BAZ2B: variants seen among roughly 807,000 people sequenced by gnomAD.
BAZ2B encodes the protein bromodomain adjacent to zinc finger domain protein 2B.
In BAZ2B, 91 loss-of-function variants were observed where a neutral mutation model predicts 246.0. The ratio of observed to expected loss-of-function variants is 0.37; its 90% CI spans 0.31 to 0.44. The LOEUF (loss-of-function observed/expected upper bound fraction) is 0.44. BAZ2B is among the 20% of genes least tolerant of loss of function. BAZ2B has a pLI of 1.00. For missense variants in BAZ2B, 2,332 were observed against 2,533.7 expected, an observed-to-expected ratio of 0.92 and a Z score of 1.71; for synonymous variants, 855 against 860.0, an observed-to-expected ratio of 0.99 and a Z score of 0.10.
chr2:159,523,692 C>T (rs556565068), intron 2 of BAZ2B, among the ~76,000 whole-genome samples: 5 of 151,894 alleles, frequency 3.3e-5, no homozygotes, highest in Admixed American at 1.3e-4. Flanking sequence ...AGTGAGACTC[C>T]GTCTCAAAAA....
At chr2:159,551,466 C>CA (rs57418948) in intron 2 of BAZ2B, among the ~76,000 whole-genome samples, 843 of 70,998 alleles carry the variant, frequency 0.012, 6 homozygotes, top group Non-Finnish European at 0.016. Context: ...GACTCAGACT[C>CA]AAAAAAAAAA....
At chr2:159,516,169 AT>A (rs1320497353) in intron 2 of BAZ2B, 1 of 152,124 alleles carries the variant, frequency 6.6e-6, no homozygotes, top group Non-Finnish European at 1.5e-5. Flanking sequence ...TTCAGGATAT[AT>A]TTATAAGAGA....
chr2:159,430,913 G>A lies in BAZ2B; in HGVS notation c.2144C>T (p.Pro715Leu). The A allele has an allele frequency of 6.2e-7, 1 of 1,613,958 alleles. No individual in the cohort carries two copies. The highest frequency in any genetic ancestry group is 8.5e-7 in the Non-Finnish European group (1 of 1,179,878). ...GGAAGAAGATGTACCAAGAAAAGCAGGTGACTGGGATTCAGAACATAAGGC... is the reference window on the plus strand; with the variant it reads ...GGAAGAAGATGTACCAAGAAAAGCAAGTGACTGGGATTCAGAACATAAGGC... ...PAALCSESQS[P>L]AFLGTSSSTL... is the part of the protein sequence containing the mutation. The change falls in exon 10 of 37, where the codon CCT becomes CTT. Residue 715 changes from proline to leucine, a missense_variant. Coordinates refer to ENST00000392783, the MANE Select transcript of BAZ2B (RefSeq NM_013450.4).
chr2:159,692,191 G>A, the BAZ2B span, among the ~76,000 whole-genome samples: 9 of 151,130 alleles, frequency 6.0e-5, no homozygotes, highest in Non-Finnish European at 1.3e-4. Flanking sequence ...GTCTCACTCT[G>A]TTGCCCAGGC....
chr2:159,425,621 T>C (rs2069679447), intron 13 of BAZ2B, among the ~76,000 whole-genome samples: 1 of 152,250 alleles, frequency 6.6e-6, no homozygotes, highest in South Asian at 2.1e-4. Flanking sequence ...AGTCTTTTAA[T>C]ATCCAGTTTT....
At chr2:159,329,136 G>GAAAAAAAAAAA (rs567964390) in intron 34 of BAZ2B, among the ~76,000 whole-genome samples, 2 of 73,364 alleles carry the variant, frequency 2.7e-5, no homozygotes, top group African/African-American at 4.4e-5. Context: ...GTCTTAATAG[G>GAAAAAAAAAAA]AAAAAAAAAA....
At chr2:159,377,463 C>T (rs1336211864) in intron 25 of BAZ2B, among the ~76,000 whole-genome samples, 1 of 152,138 alleles carries the variant, frequency 6.6e-6, no homozygotes, top group African/African-American at 2.4e-5. Context: ...TAACAAGGAT[C>T]TACCTTTGCC....
At chr2:159,402,826 T>TATA (rs1425534247) in intron 16 of BAZ2B, among the ~76,000 whole-genome samples, 2 of 152,204 alleles carry the variant, frequency 1.3e-5, no homozygotes, top group South Asian at 2.1e-4. Flanking sequence ...GGTAAATTAT[T>TATA]ATAATACAGG....
chr2:159,429,076 T>G, intron 11 of BAZ2B, 124 bp downstream of exon 11: 1 of 593,400 alleles, frequency 1.7e-6, no homozygotes, highest in Non-Finnish European at 2.7e-6. Context: ...GCTCTTCTGC[T>G]CTAATAAATA....
the BAZ2B span, among the ~76,000 whole-genome samples, chr2:159,702,010 G>C: frequency 1.3e-5 from 2 of 152,112 alleles, no homozygotes; most frequent in Non-Finnish European, 2.9e-5. Flanking sequence ...TTATAGACAT[G>C]AACCACTGCG....
intron 1 of BAZ2B, among the ~76,000 whole-genome samples, chr2:159,610,596 C>T (rs945906662): frequency 6.6e-6 from 1 of 152,162 alleles, no homozygotes; most frequent in Non-Finnish European, 1.5e-5. Flanking sequence ...TCTTATATAC[C>T]ATGCACACAT....
Position 159,373,160 on chromosome 2 carries a change from A to T in BAZ2B, c.4098T>A (p.Phe1366Leu), listed in dbSNP as rs1265208547. 2.5e-6 allele frequency: 4 copies of T among 1,613,890 alleles called. No homozygotes were observed. Among genetic ancestry groups the T allele is most frequent in the Admixed American group, 3.3e-5 (2 of 59,994 alleles). Residue 1366 changes from phenylalanine to leucine, a missense_variant, in exon 27 of 37, where the codon TTT (phenylalanine) becomes TTA (leucine). By Grantham distance (22) the Phe-to-Leu change is conservative. Around this residue, in one of 9 missense-constraint regions of BAZ2B, gnomAD observed 676 missense variants for 668.6 expected, o/e 1.01. Transcript: ENST00000392783. ...KQQSQYRRKL[F>L]DASHSLRSVM... ...CTGAACGCAATGAGTGAGACGCATC[A>T]AAGAGCTTCCTTCTGTACTGACTCT...
rs1260909337 is a variant in BAZ2B at position 159,349,216 on chromosome 2, G to A, written c.4928C>T (p.Ser1643Phe). Reference sequence around the variant, plus strand: ...TACAGATGATGTAAATGGAATATTAGAAGTAACCACACCAGTGGGCCATCC... The same window carrying A: ...TACAGATGATGTAAATGGAATATTAAAAGTAACCACACCAGTGGGCCATCC... ...FCGWPTGVVT[S>F]NIPFTSSVPS... The change falls in exon 29 of 37, where the codon TCT (serine) becomes TTT (phenylalanine). Residue 1643 changes from serine (S) to phenylalanine (F), a missense_variant. Around this residue, in one of 9 missense-constraint regions of BAZ2B, gnomAD observed 676 missense variants for 668.6 expected, o/e 1.01. Coordinates refer to ENST00000392783, the MANE Select transcript of BAZ2B (RefSeq NM_013450.4). The A allele has an allele frequency of 2.5e-6, 4 of 1,613,908 alleles. No individual in the cohort carries two copies. The Admixed American group carries it at 5.0e-5, about 20-fold the overall frequency.
the BAZ2B span, among the ~76,000 whole-genome samples, chr2:159,674,169 C>A: frequency 6.6e-6 from 1 of 151,612 alleles, no homozygotes; most frequent in African/African-American, 2.4e-5. Context: ...CATAGTGAAA[C>A]CTTGTCTCTA....
chr2:159,325,440 T>A (rs909225476), intron 35 of BAZ2B, among the ~76,000 whole-genome samples: 2 of 151,570 alleles, frequency 1.3e-5, no homozygotes, highest in African/African-American at 4.8e-5. Context: ...CCAATTATAA[T>A]CTTTCAAATA....
the BAZ2B span, among the ~76,000 whole-genome samples, chr2:159,696,954 T>C: frequency 6.6e-6 from 1 of 152,084 alleles, no homozygotes; most frequent in Non-Finnish European, 1.5e-5. Flanking sequence ...ACTCGGCTAA[T>C]TGTTGTATTT....
intron 1 of BAZ2B, among the ~76,000 whole-genome samples, chr2:159,604,750 G>A (rs1319787872): frequency 1.3e-5 from 2 of 152,134 alleles, no homozygotes; most frequent in South Asian, 2.1e-4. Flanking sequence ...TTGATGGGAA[G>A]TTGGGCCTTA....
the BAZ2B span, among the ~76,000 whole-genome samples, chr2:159,706,302 T>C: frequency 6.6e-6 from 1 of 152,188 alleles, no homozygotes; most frequent in Non-Finnish European, 1.5e-5. Flanking sequence ...GTAGGTATGA[T>C]ACAATCACAT....
chr2:159,347,973 C>T (rs1232783550), intron 30 of BAZ2B, among the ~76,000 whole-genome samples: 1 of 152,002 alleles, frequency 6.6e-6, no homozygotes, highest in Non-Finnish European at 1.5e-5. Context: ...GGTTCTAGGA[C>T]CCCCTCTGCC....
Sources: gnomAD v4.1 joint callset for allele counts (sites outside exome capture counted in the v4.1 genomes callset) on GRCh38, gnomAD v4.1.1 for gene constraint, gnomAD v4.1.1 regional missense constraint, MANE v1.5 for transcripts, NCBI Gene and HGNC (gene_info 2026-07-23, HGNC 2026-07-21) for gene names.